PIK3R6: variants seen among roughly 807,000 people sequenced by gnomAD.
PIK3R6 encodes phosphoinositide 3-kinase regulatory subunit 6.
A neutral mutation model predicts 84.9 loss-of-function variants in PIK3R6; 91 were observed. The ratio of observed to expected loss-of-function variants is 1.07; its 90% CI spans 0.90 to 1.28. The LOEUF (loss-of-function observed/expected upper bound fraction) is 1.28, where lower values mean the gene tolerates loss of function less well. Among genes scored for constraint, PIK3R6 ranks in the 50% most tolerant of loss-of-function variants. The pLI is 0.00. For missense variants in PIK3R6, 996 were observed against 985.1 expected, an observed-to-expected ratio of 1.01 and a Z score of -0.15; for synonymous variants, 416 against 411.4, an observed-to-expected ratio of 1.01 and a Z score of -0.13.
chr17:8,860,289 C>CGG (rs972231646), intron 1 of PIK3R6, among the ~76,000 whole-genome samples: 5 of 138,112 alleles, frequency 3.6e-5, no homozygotes, highest in African/African-American at 1.7e-4. Flanking sequence ...CCTCCTGGGG[C>CGG]GGGGGGCGGT....
At chr17:8,824,949 A>C (rs2087870008) in intron 13 of PIK3R6, among the ~76,000 whole-genome samples, 1 of 152,236 alleles carries the variant, frequency 6.6e-6, no homozygotes, top group African/African-American at 2.4e-5. Context: ...TAAAAAACAG[A>C]TATGTAAAAG....
At position 8,833,138 on chromosome 17, in the gene PIK3R6, G is replaced by A. The variant is rs371453817; in HGVS notation, c.646-93C>T. ...GTCCGCAGGGCCCTGGCAGCCCAAG[G>A]TGACACCTCTCCGCTGCCCCTGGGG... On this transcript the variant is annotated intron_variant, in intron 8 of 19. Coordinates refer to ENST00000619866, the MANE Select transcript of PIK3R6 (RefSeq NM_001010855.4). The A allele has an allele frequency of 4.2e-6, 6 of 1,434,484 alleles. No individual in the cohort carries two copies. The African/African-American group carries it at 7.1e-5, about 17-fold the overall frequency. 88.9% of individuals were successfully genotyped at this position (1,434,484 alleles called of 1,614,324 possible). A position where few individuals can be genotyped will look rare whatever the true frequency, so the allele number is the denominator to read the frequency against.
At chr17:8,845,494 T>G in intron 2 of PIK3R6, among the ~76,000 whole-genome samples, 1 of 152,246 alleles carries the variant, frequency 6.6e-6, no homozygotes, top group Non-Finnish European at 1.5e-5. Flanking sequence ...TTACCCATTT[T>G]TTAAGTGGGG....
chr17:8,864,723 G>C (rs549265350), intron 1 of PIK3R6, among the ~76,000 whole-genome samples: 19 of 151,964 alleles, frequency 1.3e-4, no homozygotes, highest in African/African-American at 4.6e-4. Flanking sequence ...ATTTTTAGTA[G>C]AGACGGGGTT....
At chr17:8,859,803 C>T (rs1256151011) in intron 1 of PIK3R6, among the ~76,000 whole-genome samples, 1 of 152,184 alleles carries the variant, frequency 6.6e-6, no homozygotes, top group African/African-American at 2.4e-5. Context: ...ACTGGAATTA[C>T]ACCACTGACT....
rs1458266301 is a variant in PIK3R6, at chr17:8,828,835, C to A, written c.1045G>T (p.Gly349Trp). The A allele has an allele frequency of 4.4e-6, 7 of 1,596,126 alleles. No homozygotes were observed. In the East Asian group the frequency reaches 1.6e-4, roughly 36 times the overall value. Residue 349 changes from glycine (G) to tryptophan (W), a missense_variant, in exon 11 of 20, where the codon GGG becomes TGG. Physicochemically the swap from Gly to Trp is radical, Grantham distance 184. Transcript: ENST00000619866. ...CCGGGTGCAGGCAGCTCATCAGCCC[C>A]CGTGGGAAGGTCCCGCTCAATGCCG... ...DSGIERDLPTGADELPAPGSP... is the reference protein window; with the variant it reads ...DSGIERDLPTWADELPAPGSP...
Position 8,802,967 on chromosome 17 carries a change from G to A in PIK3R6, c.*306C>T. 3.1e-6 allele frequency: 1 copy of A among 327,272 alleles called. No individual in the cohort carries two copies. Among genetic ancestry groups the A allele is most frequent in the East Asian group, 8.9e-5 (1 of 11,278 alleles). The allele number at this position is 327,272 out of a possible 1,614,324, so 20.3% of individuals were successfully genotyped here. A position where few individuals can be genotyped will look rare whatever the true frequency, so the allele number is the denominator to read the frequency against. ...AGGGCTGGATGGGGAGCTTGGGTGG[G>A]AGAGGACAGTGGGAGAAGTGGGAAT... On this transcript the variant is annotated 3_prime_UTR_variant, in exon 20 of 20. Coordinates refer to ENST00000619866, the MANE Select transcript of PIK3R6 (RefSeq NM_001010855.4).
At chr17:8,812,404 C>T (rs2087385625) in intron 18 of PIK3R6, among the ~76,000 whole-genome samples, 1 of 152,174 alleles carries the variant, frequency 6.6e-6, no homozygotes. Flanking sequence ...ACCAAATGGA[C>T]CTAACAGACA....
intron 18 of PIK3R6, among the ~76,000 whole-genome samples, chr17:8,808,637 T>C (rs1742238358): frequency 6.6e-6 from 1 of 152,154 alleles, no homozygotes; most frequent in South Asian, 2.1e-4. Flanking sequence ...CTAACTTAGT[T>C]CAATGCAGGA....
intron 10 of PIK3R6, among the ~76,000 whole-genome samples, chr17:8,829,413 GAC>G (rs755021863): frequency 1.7e-4 from 20 of 120,578 alleles, no homozygotes; most frequent in Non-Finnish European, 3.0e-4. Context: ...CATACACACA[GAC>G]ACACTGACAC....
chr17:8,810,524 G>C (rs2087329194), intron 18 of PIK3R6, among the ~76,000 whole-genome samples: 1 of 148,290 alleles, frequency 6.7e-6, no homozygotes, highest in African/African-American at 2.5e-5. Flanking sequence ...TCTTATTTGA[G>C]ACAAGGCAAG....
rs60604295 is a variant in PIK3R6 at position 8,817,908 on chromosome 17, G to GT, written c.1995+1174dup. Among the ~76,000 whole-genome samples the GT allele has an allele frequency of 5.6e-3, 760 of 135,864 alleles. 4 individuals are homozygous for GT. Among genetic ancestry groups the GT allele is most frequent in the East Asian group, 0.022 (103 of 4,782 alleles). 89.1% of individuals were successfully genotyped at this position (135,864 alleles called of 152,430 possible). ...GAGGTAGTTGGGTCATGGCAGAGTT[G>GT]TTTTTTTTTTTTTCCTTTTTTTTTT... On this transcript the variant is annotated intron_variant, in intron 18 of 19. Transcript: ENST00000619866.
chr17:8,838,183 G>A lies in PIK3R6; in HGVS notation c.190-312C>T, dbSNP rs148423179. The A allele has an allele frequency of 9.7e-4, 459 of 473,022 alleles. 3 individuals are homozygous for A. The highest frequency in any genetic ancestry group is 8.5e-3 in the African/African-American group (433 of 50,818). 29.3% of individuals were successfully genotyped at this position (473,022 alleles called of 1,614,324 possible). Reference sequence around the variant, plus strand: ...CAGCTCGGAGCCTCCCTTGAGTGCAGTGTTTCCCAAACGGTTGCAAAGTAC... The same window carrying A: ...CAGCTCGGAGCCTCCCTTGAGTGCAATGTTTCCCAAACGGTTGCAAAGTAC... On this transcript the variant is annotated intron_variant, in intron 4 of 19. Transcript: ENST00000619866.
At position 8,814,215 on chromosome 17, in the gene PIK3R6, C is replaced by CTTTTTTTTTTTTTTTTTT. The variant is rs112750429; in HGVS notation, c.1995+4850_1995+4867dup. Reference sequence around the variant, plus strand: ...TCCACTCTTTAGTTCAGAGAGAGATCTTTTTTTTTTTTTTTTTTTTTTGAG... The same window carrying CTTTTTTTTTTTTTTTTTT: ...TCCACTCTTTAGTTCAGAGAGAGATCTTTTTTTTTTTTTTTTTTTTTTTTTTTTTTTTTTTTTTTTGAG... On this transcript the variant is annotated intron_variant, in intron 18 of 19. Transcript: ENST00000619866. Among the ~76,000 whole-genome samples, 22 of 85,532 alleles carry CTTTTTTTTTTTTTTTTTT rather than the reference C, an allele frequency of 2.6e-4. 1 individual carries two copies. The highest frequency in any genetic ancestry group is 7.3e-4 in the African/African-American group (15 of 20,612). 56.1% of individuals were successfully genotyped at this position (85,532 alleles called of 152,430 possible).
Position 8,803,209 on chromosome 17 carries a change from G to A in PIK3R6, c.*64C>T. 3.8e-6 allele frequency: 6 copies of A among 1,596,080 alleles called. No homozygotes were observed. The highest frequency in any genetic ancestry group is 2.2e-5 in the South Asian group (2 of 89,886). ...GAGCCGGGCCTTGCTCTGGCTGTTG[G>A]TGTGAGTGTTTGGAGTTGGTGGGGT... On this transcript the variant is annotated 3_prime_UTR_variant, in exon 20 of 20. Coordinates refer to ENST00000619866, the MANE Select transcript of PIK3R6 (RefSeq NM_001010855.4). This position sits in a 1 kb window ranked among gnomAD's most constrained non-coding sequence, Gnocchi z 5.0.
At chr17:8,817,099 A>G (rs2087565689) in intron 18 of PIK3R6, among the ~76,000 whole-genome samples, 1 of 152,242 alleles carries the variant, frequency 6.6e-6, no homozygotes, top group Non-Finnish European at 1.5e-5. Context: ...CATATTTAAT[A>G]CCAAAGCAAT....
At chr17:8,849,169 T>G (rs1261305433) in intron 2 of PIK3R6, among the ~76,000 whole-genome samples, 1 of 152,196 alleles carries the variant, frequency 6.6e-6, no homozygotes. Context: ...ATATAACCTC[T>G]CCAAGCCTCA....
At chr17:8,828,499 C>T in intron 11 of PIK3R6, 68 bp downstream of exon 11, 1 of 1,551,122 alleles carries the variant, frequency 6.4e-7, no homozygotes. Context: ...GATCCTTCAC[C>T]AGCCCACGCC....
rs1184580665 is a variant in PIK3R6 at position 8,828,095 on chromosome 17, C to T, written c.1392+17G>A. 1.9e-5 allele frequency: 31 copies of T among 1,612,932 alleles called. No individual in the cohort carries two copies. The highest frequency in any genetic ancestry group is 2.6e-5 in the Non-Finnish European group (31 of 1,179,130). On this transcript the variant is annotated intron_variant, in intron 12 of 19. Transcript: ENST00000619866. The stretch of plus-strand genomic sequence containing the variant: ...CCCTGTCTCTGCCCCGCCACCGCCT[C>T]CCCGCGGTCCAGTCACCTCAGGCGC...
Sources: gnomAD v4.1 joint callset for allele counts (sites outside exome capture counted in the v4.1 genomes callset) on GRCh38, gnomAD v4.1.1 for gene constraint, Gnocchi (gnomAD v3.1) non-coding constraint, MANE v1.5 for transcripts, NCBI Gene and HGNC (gene_info 2026-07-23, HGNC 2026-07-21) for gene names.